Variants in FREM3 observed in about 807,000 individuals in gnomAD.
The protein encoded by FREM3 is FRAS1-related extracellular matrix protein 3.
Under a neutral mutation model 129.1 loss-of-function variants are expected in FREM3, and 105 were observed. The observed-to-expected ratio is 0.81, with a 90% confidence interval of 0.69 to 0.96. The LOEUF (loss-of-function observed/expected upper bound fraction) is 0.96. FREM3 is among the 40% of genes least tolerant of loss of function. FREM3 has a pLI of 0.00. For missense variants in FREM3, 2,593 were observed against 2,666.3 expected (o/e 0.97, Z 0.61); for synonymous variants, 1,014 against 1,044.9 (o/e 0.97, Z 0.57).
At chr4:143,693,678 C>G (rs1370047046) in intron 1 of FREM3, among the ~76,000 whole-genome samples, 2 of 152,266 alleles carry the variant, frequency 1.3e-5, no homozygotes, top group East Asian at 1.9e-4. Context: ...CTCACGATAG[C>G]AAAGACATTG....
chr4:143,658,210 G>A (rs1486569627), intron 2 of FREM3, among the ~76,000 whole-genome samples: 1 of 152,174 alleles, frequency 6.6e-6, no homozygotes, highest in Non-Finnish European at 1.5e-5. Context: ...AACCCCAAAC[G>A]AGATGGTATT....
In FREM3 at chr4:143,695,631, A is replaced by G; in HGVS notation, c.5045T>C (p.Leu1682Pro). 6.5e-7 allele frequency: 1 copy of G among 1,537,300 alleles called. No homozygotes were observed. Among genetic ancestry groups the G allele is most frequent in the Non-Finnish European group, 8.7e-7 (1 of 1,146,924 alleles). ...KRLHTGHMGF[L>P]ITSKSLKAED... ...TGCCTTCAGAGACTTGCTGGTAATC[A>G]GGAAGCCCATGTGTCCAGTGTGAAG... Residue 1682 changes from leucine (L) to proline (P), a missense_variant, in exon 1 of 8, where the codon CTG (leucine) becomes CCG (proline). By Grantham distance (98) the Leu-to-Pro change is moderately conservative. This residue lies in a region of FREM3 where 2,276 missense variants were observed against 2,267.2 expected (regional missense o/e 1.00). Transcript: ENST00000329798.
intron 2 of FREM3, among the ~76,000 whole-genome samples, chr4:143,662,832 A>T (rs1739763484): frequency 6.6e-6 from 1 of 151,984 alleles, no homozygotes; most frequent in Non-Finnish European, 1.5e-5. Context: ...CTTTACCATT[A>T]TGTAATGGCC....
chr4:143,626,084 G>T (rs1410383202), intron 3 of FREM3, among the ~76,000 whole-genome samples: 1 of 152,112 alleles, frequency 6.6e-6, no homozygotes, highest in African/African-American at 2.4e-5. Context: ...GGTGGAGTTG[G>T]GGTATCAGAA....
chr4:143,695,932 G>T lies in FREM3; in HGVS notation c.4744C>A (p.His1582Asn). Residue 1582 changes from histidine to asparagine, a missense_variant, in exon 1 of 8, where the codon CAT (histidine) becomes AAT (asparagine). His to Asn is a moderately conservative substitution (Grantham distance 68). Transcript: ENST00000329798. ...ILFTITQVPM[H>N]GKILYNGSRP... ...CTACCATTGTACAAAATCTTGCCAT[G>T]CATGGGGACCTGGGTGATGGTAAAG... The T allele has an allele frequency of 6.5e-7, 1 of 1,537,846 alleles. No homozygotes were observed. The highest frequency in any genetic ancestry group is 8.7e-7 in the Non-Finnish European group (1 of 1,147,052).
chr4:143,588,805 T>C (rs1738295879), intron 6 of FREM3, among the ~76,000 whole-genome samples: 1 of 150,592 alleles, frequency 6.6e-6, no homozygotes, highest in Non-Finnish European at 1.5e-5. Context: ...TCTAGATCCC[T>C]GAGGAATCGC....
rs990262299 is a variant in FREM3, at chr4:143,697,999, C to T, written c.2677G>A (p.Ala893Thr). 1.3e-6 allele frequency: 2 copies of T among 1,537,372 alleles called. No homozygotes were observed. The highest frequency in any genetic ancestry group is 2.0e-5 in the Admixed American group (1 of 50,988). ...GAGACACTCCCGTTAATAACATCAG[C>T]TTGCATGAAAGATTCCCCTGGGACC... ...CMVPGESFMQ[A>T]DVINGSVSYQ... is the part of the protein sequence containing the mutation. The change falls in exon 1 of 8, where the codon GCT (alanine) becomes ACT (threonine). Residue 893 changes from alanine to threonine, a missense_variant. By Grantham distance (58) the Ala-to-Thr change is moderately conservative. This residue lies in a region of FREM3 where 2,276 missense variants were observed against 2,267.2 expected (regional missense o/e 1.00). Transcript: ENST00000329798.
At chr4:143,642,049 A>G (rs1327918849) in intron 2 of FREM3, among the ~76,000 whole-genome samples, 1 of 152,196 alleles carries the variant, frequency 6.6e-6, no homozygotes, top group Non-Finnish European at 1.5e-5. Flanking sequence ...TTAAACAGAA[A>G]TTCAGTTCAA....
At chr4:143,622,415 T>A (rs903347210) in intron 4 of FREM3, among the ~76,000 whole-genome samples, 23 of 151,560 alleles carry the variant, frequency 1.5e-4, no homozygotes, top group Middle Eastern at 3.4e-3. Context: ...TTTTTTTTTT[T>A]TTTTTTCCCA....
intron 6 of FREM3, among the ~76,000 whole-genome samples, chr4:143,594,804 T>C (rs1051599678): frequency 6.6e-6 from 1 of 152,224 alleles, no homozygotes; most frequent in Non-Finnish European, 1.5e-5. Context: ...TCAGGAGATC[T>C]GTCAGAACAG....
intron 2 of FREM3, among the ~76,000 whole-genome samples, chr4:143,638,642 T>C (rs1425814342): frequency 6.6e-6 from 1 of 152,156 alleles, no homozygotes; most frequent in Non-Finnish European, 1.5e-5. Flanking sequence ...TTTCTTGTCC[T>C]TCCCCATTGG....
At chr4:143,657,796 T>C (rs761602853) in intron 2 of FREM3, among the ~76,000 whole-genome samples, 1 of 152,120 alleles carries the variant, frequency 6.6e-6, no homozygotes, top group African/African-American at 2.4e-5. Context: ...GCCATAGGCA[T>C]AGTAAATACT....
Position 143,698,204 on chromosome 4 carries a change from A to G in FREM3, c.2472T>C (p.Pro824=), listed in dbSNP as rs1488572801. 6.5e-7 allele frequency: 1 copy of G among 1,537,440 alleles called. No homozygotes were observed. Among genetic ancestry groups the G allele is most frequent in the African/African-American group, 1.4e-5 (1 of 73,182 alleles). Residue 824 remains proline, a synonymous_variant, in exon 1 of 8, where the codon CCT becomes CCC. Transcript: ENST00000329798. ...VPGTFTLFLQ[P]VDNQPPEVTN... ...TGACTTCTGGGGGCTGGTTGTCCAC[A>G]GGTTGCAGGAATAATGTGAATGTGC...
intron 7 of FREM3, among the ~76,000 whole-genome samples, chr4:143,583,621 T>C (rs1277597228): frequency 1.3e-5 from 2 of 151,652 alleles, no homozygotes; most frequent in Non-Finnish European, 2.9e-5. Context: ...GCAGAAACTC[T>C]ACAGGCCAGA....
At chr4:143,655,154 T>G (rs1180041214) in intron 2 of FREM3, among the ~76,000 whole-genome samples, 1 of 152,220 alleles carries the variant, frequency 6.6e-6, no homozygotes, top group East Asian at 1.9e-4. Flanking sequence ...ATCTTCATTG[T>G]ACTGTGCACC....
At chr4:143,609,394 T>C (rs764388993) in intron 6 of FREM3, among the ~76,000 whole-genome samples, 86 of 152,306 alleles carry the variant, frequency 5.6e-4, no homozygotes, top group Middle Eastern at 3.4e-3. Flanking sequence ...ATTTCAACTT[T>C]TCATATTAAT....
In FREM3 at chr4:143,621,065, T is replaced by G; in HGVS notation, c.5751A>C (p.Glu1917Asp). The change falls in exon 5 of 8, where the codon GAA becomes GAC. Residue 1917 changes from glutamate to aspartate, a missense_variant. This residue lies in a region of FREM3 where 317 missense variants were observed against 399.0 expected (regional missense o/e 0.79). Coordinates refer to ENST00000329798, the MANE Select transcript of FREM3 (RefSeq NM_001168235.2). ...PVRRSGDASQ[E>D]LIVICSTRQG... ...GACGTGTGGAGCAAATGACGATTAG[T>G]TCCTGGCTTGCATCTCCAGATCGTC... The G allele has an allele frequency of 6.5e-7, 1 of 1,537,338 alleles. No individual in the cohort carries two copies. The highest frequency in any genetic ancestry group is 8.7e-7 in the Non-Finnish European group (1 of 1,146,896).
At chr4:143,680,141 A>G (rs903980275) in intron 2 of FREM3, among the ~76,000 whole-genome samples, 1 of 151,958 alleles carries the variant, frequency 6.6e-6, no homozygotes, top group African/African-American at 2.4e-5. Context: ...AAATATTAAT[A>G]AAAACAATTT....
At chr4:143,615,094 AG>A (rs1283920438) in intron 5 of FREM3, among the ~76,000 whole-genome samples, 1 of 152,212 alleles carries the variant, frequency 6.6e-6, no homozygotes, top group African/African-American at 2.4e-5. Flanking sequence ...TTAAAATCAG[AG>A]AGAAAGTCCT....
Sources: gnomAD v4.1 joint callset for allele counts (sites outside exome capture counted in the v4.1 genomes callset) on GRCh38, gnomAD v4.1.1 for gene constraint, gnomAD v4.1.1 regional missense constraint, MANE v1.5 for transcripts, NCBI Gene and HGNC (gene_info 2026-07-23, HGNC 2026-07-21) for gene names.